The following STK39 variants were observed in gnomAD, a reference collection of about 807,000 sequenced individuals.
STK39 encodes serine/threonine kinase 39.
STK39 carries 20 observed loss-of-function variants against 77.8 expected under a neutral mutation model. The observed-to-expected ratio is 0.26, with a 90% CI of 0.18 to 0.37. STK39 has a LOEUF of 0.37. STK39 is among the 10% of genes least tolerant of loss of function. STK39 has a pLI of 1.00. For missense variants in STK39, 479 were observed against 656.5 expected (o/e 0.73, Z 2.95); for synonymous variants, 246 against 234.1 (o/e 1.05, Z -0.47).
chr2:168,178,245 C>A (rs1478015526), intron 2 of STK39, among the ~76,000 whole-genome samples: 12 of 152,246 alleles, frequency 7.9e-5, no homozygotes, highest in Admixed American at 7.8e-4. Flanking sequence ...TATGTTGGCA[C>A]AGTAAGGAAT....
chr2:168,207,890 T>G (rs369591718), intron 1 of STK39, among the ~76,000 whole-genome samples: 28 of 152,122 alleles, frequency 1.8e-4, no homozygotes, highest in African/African-American at 6.8e-4. Flanking sequence ...ACTCCCAAAG[T>G]CCACACCTTA....
intron 15 of STK39, among the ~76,000 whole-genome samples, chr2:168,016,668 T>C (rs1371002525): frequency 6.6e-6 from 1 of 152,228 alleles, no homozygotes; most frequent in African/African-American, 2.4e-5. Flanking sequence ...AGAAGCAAAG[T>C]ATGTTACCTT....
At chr2:167,975,619 T>C (rs1683255443) in intron 16 of STK39, among the ~76,000 whole-genome samples, 2 of 151,974 alleles carry the variant, frequency 1.3e-5, no homozygotes, top group South Asian at 4.2e-4. Flanking sequence ...ATCGAGACCA[T>C]CCTGGCTAAC....
intron 1 of STK39, among the ~76,000 whole-genome samples, chr2:168,236,647 A>G (rs1403869388): frequency 6.6e-6 from 1 of 152,240 alleles, no homozygotes; most frequent in Non-Finnish European, 1.5e-5. Context: ...GAAGGGATCC[A>G]GTTTCAGCTT....
At chr2:168,242,733 G>C (rs1022334431) in intron 1 of STK39, among the ~76,000 whole-genome samples, 10 of 145,128 alleles carry the variant, frequency 6.9e-5, no homozygotes, top group African/African-American at 2.3e-4. Context: ...AATAAAAAAA[G>C]AAAAAAAAAA....
chr2:168,079,874 A>G (rs1341449188), intron 10 of STK39, among the ~76,000 whole-genome samples: 2 of 152,170 alleles, frequency 1.3e-5, no homozygotes, highest in Non-Finnish European at 2.9e-5. Flanking sequence ...TGAGCTGAGA[A>G]TGATTGTACT....
At chr2:168,181,350 A>T (rs1003977654) in intron 2 of STK39, among the ~76,000 whole-genome samples, 3 of 152,222 alleles carry the variant, frequency 2.0e-5, no homozygotes, top group African/African-American at 7.2e-5. Context: ...GAGTCAGCTA[A>T]GCCAAAAGCA....
intron 14 of STK39, among the ~76,000 whole-genome samples, chr2:168,052,911 C>T: frequency 6.6e-6 from 1 of 152,170 alleles, no homozygotes; most frequent in East Asian, 1.9e-4. Context: ...AACTCAGCAC[C>T]AACACAGAGC....
At chr2:168,137,493 T>C (rs1687869747) in intron 8 of STK39, among the ~76,000 whole-genome samples, 1 of 152,170 alleles carries the variant, frequency 6.6e-6, no homozygotes, top group South Asian at 2.1e-4. Context: ...ACAGACACAC[T>C]ACAGTGCAGG....
At chr2:167,989,795 A>G (rs1239411334) in intron 16 of STK39, among the ~76,000 whole-genome samples, 2 of 152,196 alleles carry the variant, frequency 1.3e-5, no homozygotes, top group African/African-American at 2.4e-5. Flanking sequence ...AATTGCAGGA[A>G]ATTCTGAACT....
chr2:167,973,393 A>G (rs1692403464), intron 16 of STK39, among the ~76,000 whole-genome samples: 1 of 152,230 alleles, frequency 6.6e-6, no homozygotes, highest in African/African-American at 2.4e-5. Context: ...AGAATTAGCC[A>G]TGCCCCCTAG....
intron 15 of STK39, among the ~76,000 whole-genome samples, chr2:168,015,265 A>G (rs1684376593): frequency 6.6e-6 from 1 of 152,230 alleles, no homozygotes; most frequent in Admixed American, 6.5e-5. Context: ...AGGAAAGAGA[A>G]TATTTTACGT....
intron 1 of STK39, among the ~76,000 whole-genome samples, chr2:168,192,155 T>C (rs968315505): frequency 2.6e-5 from 4 of 152,128 alleles, no homozygotes; most frequent in African/African-American, 9.7e-5. Context: ...GGATGAAGCG[T>C]GTCCCTTCTC....
intron 16 of STK39, among the ~76,000 whole-genome samples, chr2:168,000,491 C>T (rs1363744687): frequency 6.6e-6 from 1 of 152,224 alleles, no homozygotes; most frequent in Non-Finnish European, 1.5e-5. Flanking sequence ...ATCATGTCCT[C>T]TAACCTGTAT....
intron 15 of STK39, among the ~76,000 whole-genome samples, chr2:168,014,608 A>C (rs1684360431): frequency 6.6e-6 from 1 of 152,242 alleles, no homozygotes; most frequent in South Asian, 2.1e-4. Context: ...AAGCTGCTAG[A>C]ACATTCAGTC....
chr2:168,112,205 C>G (rs1375013391), intron 10 of STK39, among the ~76,000 whole-genome samples: 1 of 152,004 alleles, frequency 6.6e-6, no homozygotes, highest in East Asian at 1.9e-4. Context: ...CTCTACAGAA[C>G]TCAGTATCTC....
In STK39 at chr2:168,129,594, G is replaced by A. The variant is rs763041234; in HGVS notation, c.1036C>T (p.Leu346=). 2 of 1,613,978 alleles carry A rather than the reference G, an allele frequency of 1.2e-6. No individual in the cohort carries two copies. Among genetic ancestry groups the A allele is most frequent in the South Asian group, 2.2e-5 (2 of 91,078 alleles). Residue 346 remains leucine, a synonymous_variant, in exon 10 of 18, where the codon CTG becomes TTG. Transcript: ENST00000355999. ...GTTCTTGTAAGCAGCTTCTCAATCA[G>A]GTACTCTCTGTTCTGCAAAACAAAT... The part of the protein sequence containing the change: ...FFQKAKNREY[L]IEKLLTRTPD...
chr2:168,215,262 C>G (rs546004550), intron 1 of STK39, among the ~76,000 whole-genome samples: 11 of 152,178 alleles, frequency 7.2e-5, no homozygotes, highest in African/African-American at 1.9e-4. Context: ...TACTCTCCCC[C>G]CATTTCCACA....
intron 1 of STK39, among the ~76,000 whole-genome samples, chr2:168,214,422 T>C (rs1689973963): frequency 6.6e-6 from 1 of 152,180 alleles, no homozygotes. Context: ...ACATACTGTT[T>C]AATTCCATTT....
Sources: allele counts gnomAD v4.1 joint callset (sites outside exome capture counted in the v4.1 genomes callset), GRCh38; gene constraint gnomAD v4.1.1; transcripts MANE v1.5; gene names NCBI Gene and HGNC (gene_info 2026-07-23, HGNC 2026-07-21).